Variants in ADGRG3 observed in about 807,000 individuals in gnomAD.
The protein encoded by ADGRG3 is G protein-coupled receptor 97.
Under a neutral mutation model 54.3 loss-of-function variants are expected in ADGRG3, and 39 were observed. The observed-to-expected ratio is 0.72, with a 90% CI of 0.56 to 0.94. ADGRG3 has a LOEUF of 0.94. ADGRG3 is among the 40% of genes least tolerant of loss of function. The pLI, the probability that ADGRG3 is intolerant of heterozygous loss-of-function variation, is 0.00. For synonymous variants in ADGRG3, 312 were observed against 290.0 expected, an observed-to-expected ratio of 1.08 and a Z score of -0.77; for missense variants, 654 against 694.6, an observed-to-expected ratio of 0.94 and a Z score of 0.66.
In ADGRG3 at chr16:57,685,780, C is replaced by T. The variant is rs17855907; in HGVS notation, c.1394C>T (p.Ala465Val). 1.5e-3 allele frequency: 2,353 copies of T among 1,614,198 alleles called. 2 individuals are homozygous for T. The highest frequency in any genetic ancestry group is 4.1e-3 in the Middle Eastern group (25 of 6,062). Reference sequence around the variant, plus strand: ...ATCTTCACCCTGTCCCGTGCTACAGCGGTCAAGGAGCGGGGGAAGAACCGG... The same window carrying T: ...ATCTTCACCCTGTCCCGTGCTACAGTGGTCAAGGAGCGGGGGAAGAACCGG... ...WKIFTLSRAT[A>V]VKERGKNRKK... is the part of the protein sequence containing the mutation. Residue 465 changes from alanine to valine, a missense_variant, in exon 11 of 12, where the codon GCG becomes GTG. Physicochemically the swap from Ala to Val is moderately conservative, Grantham distance 64. Transcript: ENST00000333493.
intron 1 of ADGRG3, among the ~76,000 whole-genome samples, chr16:57,671,433 C>G (rs1176015392): frequency 6.7e-6 from 1 of 150,036 alleles, no homozygotes; most frequent in African/African-American, 2.5e-5. Flanking sequence ...CTCCGCCTCC[C>G]GGGTTGAAGC....
chr16:57,682,852 C>T (rs1168808628), intron 8 of ADGRG3, among the ~76,000 whole-genome samples: 1 of 152,218 alleles, frequency 6.6e-6, no homozygotes, highest in African/African-American at 2.4e-5. Context: ...CCTCACTCTC[C>T]TACTGCATTT....
intron 5 of ADGRG3, 40 bp downstream of exon 5, chr16:57,679,351 GA>G: frequency 1.2e-6 from 2 of 1,610,242 alleles, no homozygotes; most frequent in South Asian, 2.2e-5. Flanking sequence ...CTGCAGGGCA[GA>G]CAGGCGAGTG....
chr16:57,679,064 C>T, intron 4 of ADGRG3, 113 bp from the exon 5 acceptor site: 1 of 1,284,686 alleles, frequency 7.8e-7, no homozygotes, highest in Non-Finnish European at 1.1e-6. Flanking sequence ...TGGTCTCGAA[C>T]TCTGCCCTCC....
intron 11 of ADGRG3, among the ~76,000 whole-genome samples, chr16:57,686,990 A>T (rs1462505724): frequency 1.3e-5 from 2 of 152,232 alleles, no homozygotes; most frequent in Non-Finnish European, 2.9e-5. Context: ...TGACTGTGAG[A>T]GAAACAGCCA....
rs2048345053 is a variant in ADGRG3 at position 57,680,339 on chromosome 16, C to A, written c.742C>A (p.His248Asn). The A allele has an allele frequency of 6.2e-7, 1 of 1,612,936 alleles. No homozygotes were observed. Among genetic ancestry groups the A allele is most frequent in the Non-Finnish European group, 8.5e-7 (1 of 1,179,668 alleles). ...TGAGGGGACCGTGTGCTGCTGTGAC[C>A]ACCTGACCTTTTTCGCCCTGCTCCT... ...RPEGTVCCCD[H>N]LTFFALLLRP... is the part of the protein sequence containing the mutation. Residue 248 changes from histidine (H) to asparagine (N), a missense_variant, in exon 7 of 12, where the codon CAC (histidine) becomes AAC (asparagine). Coordinates refer to ENST00000333493, the MANE Select transcript of ADGRG3 (RefSeq NM_170776.5).
chr16:57,678,788 TCCC>T lies in ADGRG3; in HGVS notation c.493-385_493-383del, dbSNP rs1597767979. On this transcript the variant is annotated intron_variant, in intron 4 of 11. Transcript: ENST00000333493. ...TGTGTACCCCTGAGGGCTAGTGTGCTCCCCCCACCAGCCTCCTTTCTACCGAAT... is the reference window on the plus strand; with the variant it reads ...TGTGTACCCCTGAGGGCTAGTGTGCTCCCACCAGCCTCCTTTCTACCGAAT... 3 of 326,250 alleles carry T rather than the reference TCCC, an allele frequency of 9.2e-6. No homozygotes were observed. In the East Asian group the frequency reaches 2.1e-4, roughly 22 times the overall value. The allele number at this position is 326,250 out of a possible 1,614,324, so 20.2% of individuals were successfully genotyped here. A position where few individuals can be genotyped will look rare whatever the true frequency, so the allele number is the denominator to read the frequency against.
intron 11 of ADGRG3, 137 bp downstream of exon 11, chr16:57,686,063 C>T: frequency 1.1e-6 from 1 of 902,434 alleles, no homozygotes; most frequent in Non-Finnish European, 1.7e-6. Flanking sequence ...ATTTCAAATA[C>T]TCAGAGCAAG....
At chr16:57,680,189 G>A in intron 6 of ADGRG3, 76 bp from the exon 7 acceptor site, 2 of 389,190 alleles carry the variant, frequency 5.1e-6, no homozygotes, top group South Asian at 2.3e-5. Flanking sequence ...CTTCCCCTCT[G>A]TTCCCCTCCT....
Position 57,688,443 on chromosome 16 carries a change from C to A in ADGRG3, c.1632C>A (p.His544Gln), listed in dbSNP as rs748602989. ...CTACTGCAAGATTGGACCAGGCCCACTCCGCATCTCAAGAATAGGAAGGCA... is the reference window on the plus strand; with the variant it reads ...CTACTGCAAGATTGGACCAGGCCCAATCCGCATCTCAAGAATAGGAAGGCA... ...SSSTARLDQAHSASQE is the reference protein window; with the variant it reads ...SSSTARLDQAQSASQE The change falls in exon 12 of 12, where the codon CAC (histidine) becomes CAA (glutamine). Residue 544 changes from histidine (H) to glutamine (Q), a missense_variant. Coordinates refer to ENST00000333493, the MANE Select transcript of ADGRG3 (RefSeq NM_170776.5). 1 of 1,605,188 alleles carries A rather than the reference C, an allele frequency of 6.2e-7. No individual in the cohort carries two copies. The highest frequency in any genetic ancestry group is 8.5e-7 in the Non-Finnish European group (1 of 1,171,982).
intron 8 of ADGRG3, among the ~76,000 whole-genome samples, chr16:57,683,450 GCTGCCC>G (rs2048412876): frequency 6.6e-6 from 1 of 152,152 alleles, no homozygotes; most frequent in African/African-American, 2.4e-5. Flanking sequence ...TCTCTGAAGA[GCTGCCC>G]CTTACTGGTT....
chr16:57,686,032 T>C (rs2048467073), intron 11 of ADGRG3, 106 bp downstream of exon 11: 1 of 1,158,796 alleles, frequency 8.6e-7, no homozygotes, highest in Admixed American at 2.0e-5. Flanking sequence ...CTGTTCAGGC[T>C]AGCTGAAGTC....
rs1035827650 is a variant in ADGRG3, at chr16:57,674,634, T to C, written c.206+1166T>C. The C allele has an allele frequency of 7.3e-5, 33 of 449,774 alleles. 1 individual carries two copies. Among genetic ancestry groups the C allele is most frequent in the Admixed American group, 7.2e-4 (30 of 41,484 alleles). 27.9% of individuals were successfully genotyped at this position (449,774 alleles called of 1,614,324 possible). ...CACCCCAGAGCTGTTCAGAGGCTCCTCTTTGTGCTGCCCAGGTATATGCCC... is the reference window on the plus strand; with the variant it reads ...CACCCCAGAGCTGTTCAGAGGCTCCCCTTTGTGCTGCCCAGGTATATGCCC... On this transcript the variant is annotated intron_variant, in intron 2 of 11. Coordinates refer to ENST00000333493, the MANE Select transcript of ADGRG3 (RefSeq NM_170776.5).
At chr16:57,680,897 C>T (rs2048355757) in intron 8 of ADGRG3, among the ~76,000 whole-genome samples, 1 of 152,138 alleles carries the variant, frequency 6.6e-6, no homozygotes, top group Non-Finnish European at 1.5e-5. Flanking sequence ...ATTGAAAAAC[C>T]CAAGGTGCAT....
At chr16:57,666,044 CA>C (rs1200962598), upstream of ADGRG3, among the ~76,000 whole-genome samples, 1 of 151,392 alleles carries the variant, frequency 6.6e-6, no homozygotes, top group Admixed American at 6.6e-5. Context: ...CTCCAAAGGA[CA>C]GAGGCCAAAC....
rs1343809908 is a variant in ADGRG3 at position 57,680,329 on chromosome 16, C to T, written c.732C>T (p.Cys244=). The change falls in exon 7 of 12, where the codon TGC becomes TGT. Residue 244 remains cysteine, a synonymous_variant. Coordinates refer to ENST00000333493, the MANE Select transcript of ADGRG3 (RefSeq NM_170776.5). ...AGGTCAGACCTGAGGGGACCGTGTG[C>T]TGCTGTGACCACCTGACCTTTTTCG... ...STEVRPEGTV[C]CCDHLTFFAL... is the part of the protein sequence containing the mutation. 1.9e-6 allele frequency: 3 copies of T among 1,612,648 alleles called. No individual in the cohort carries two copies. Among genetic ancestry groups the T allele is most frequent in the East Asian group, 2.2e-5 (1 of 44,770 alleles).
At chr16:57,684,820 G>T (rs913879114) in intron 10 of ADGRG3, among the ~76,000 whole-genome samples, 1 of 152,210 alleles carries the variant, frequency 6.6e-6, no homozygotes, top group Non-Finnish European at 1.5e-5. Context: ...GGGGTGCGCA[G>T]CCTGGAGAGT....
intron 2 of ADGRG3, chr16:57,674,516 T>C: frequency 2.3e-6 from 1 of 443,818 alleles, no homozygotes; most frequent in South Asian, 1.6e-5. Context: ...CTCTCAGGCT[T>C]GGTGTTAGGA....
Position 57,688,909 on chromosome 16 carries a change from T to G in ADGRG3, c.*448T>G. ...TTGAGGGGCATTCAGGAGGCCAGCG[T>G]TCCCTCAGGCACTGGGGGTTTGTTT... On this transcript the variant is annotated 3_prime_UTR_variant, in exon 12 of 12. Coordinates refer to ENST00000333493, the MANE Select transcript of ADGRG3 (RefSeq NM_170776.5). The G allele has an allele frequency of 6.1e-6, 1 of 163,878 alleles. No homozygotes were observed. Among genetic ancestry groups the G allele is most frequent in the Non-Finnish European group, 1.3e-5 (1 of 74,216 alleles). 10.2% of individuals were successfully genotyped at this position (163,878 alleles called of 1,614,324 possible). A position where few individuals can be genotyped will look rare whatever the true frequency, so the allele number is the denominator to read the frequency against.
Sources: gnomAD v4.1 joint callset for allele counts (sites outside exome capture counted in the v4.1 genomes callset) on GRCh38, gnomAD v4.1.1 for gene constraint, MANE v1.5 for transcripts, NCBI Gene and HGNC (gene_info 2026-07-23, HGNC 2026-07-21) for gene names.